Variants in ALOX15B observed in about 807,000 individuals in gnomAD.
The protein encoded by ALOX15B is arachidonate 15-lipoxygenase type B, also known as polyunsaturated fatty acid lipoxygenase ALOX15B.
In ALOX15B, 74 loss-of-function variants were observed where a neutral mutation model predicts 73.8. The observed-to-expected ratio is 1.00, with a 90% CI of 0.83 to 1.22. The LOEUF is 1.22. ALOX15B is among the 50% of genes most tolerant of loss of function. The pLI is 0.00. For synonymous variants in ALOX15B, 353 were observed against 357.2 expected (o/e 0.99, Z 0.13); for missense variants, 896 against 859.9 (o/e 1.04, Z -0.52).
chr17:8,039,085 A>T lies in ALOX15B; in HGVS notation c.-71A>T, dbSNP rs1321730081. On this transcript the variant is annotated 5_prime_UTR_variant, in exon 1 of 14. Coordinates refer to ENST00000380183, the MANE Select transcript of ALOX15B (RefSeq NM_001141.3). ...GTGGCAATAACCAGGGGCAATAACC[A>T]GGCGTGTCCCAGGGGGGAGCCCCGC... The T allele has an allele frequency of 1.6e-5, 25 of 1,549,500 alleles. No homozygotes were observed. In the Admixed American group the frequency reaches 5.0e-4, roughly 31 times the overall value.
At chr17:8,039,784 A>T in intron 2 of ALOX15B, 118 bp from the exon 3 acceptor site, 1 of 1,234,970 alleles carries the variant, frequency 8.1e-7, no homozygotes, top group South Asian at 1.4e-5. Context: ...GTGTAGGAGA[A>T]ACTGTACTTA....
At position 8,046,958 on chromosome 17, in the gene ALOX15B, A is replaced by G; in HGVS notation, c.1339A>G (p.Lys447Glu). The change falls in exon 10 of 14, where the codon AAG becomes GAG. Residue 447 changes from lysine (K) to glutamate (E), a missense_variant. Physicochemically the swap from Lys to Glu is moderately conservative, Grantham distance 56. Coordinates refer to ENST00000380183, the MANE Select transcript of ALOX15B (RefSeq NM_001141.3). ...GFSELIQRNMKQLNYSLLCLP... is the reference protein window; with the variant it reads ...GFSELIQRNMEQLNYSLLCLP... The stretch of plus-strand genomic sequence containing the variant: ...CTCTGAGTTGATACAGAGGAACATG[A>G]AGCAGCTGAACTATTCTCTCCTGTG... 1 of 1,614,128 alleles carries G rather than the reference A, an allele frequency of 6.2e-7. No individual in the cohort carries two copies. The highest frequency in any genetic ancestry group is 1.1e-5 in the South Asian group (1 of 91,082).
chr17:8,039,100 G>T lies in ALOX15B; in HGVS notation c.-56G>T. Reference sequence around the variant, plus strand: ...GGCAATAACCAGGCGTGTCCCAGGGGGGAGCCCCGCTCTGCAGCCCTGTGC... The same window carrying T: ...GGCAATAACCAGGCGTGTCCCAGGGTGGAGCCCCGCTCTGCAGCCCTGTGC... On this transcript the variant is annotated 5_prime_UTR_variant, in exon 1 of 14. Transcript: ENST00000380183. 1.3e-6 allele frequency: 2 copies of T among 1,576,954 alleles called. No homozygotes were observed. Among genetic ancestry groups the T allele is most frequent in the Non-Finnish European group, 1.7e-6 (2 of 1,164,080 alleles).
In ALOX15B at chr17:8,043,102, A is replaced by T. The variant is rs1198515182; in HGVS notation, c.676+218A>T. ...TACAACAGACATTTGTTGAGCTGCTACATATCAGACACCGGGTTAGGGGCT... is the reference window on the plus strand; with the variant it reads ...TACAACAGACATTTGTTGAGCTGCTTCATATCAGACACCGGGTTAGGGGCT... On this transcript the variant is annotated intron_variant, in intron 5 of 13. Coordinates refer to ENST00000380183, the MANE Select transcript of ALOX15B (RefSeq NM_001141.3). Among the ~76,000 whole-genome samples, 34 of 152,180 alleles carry T rather than the reference A, an allele frequency of 2.2e-4. 1 individual carries two copies. The highest frequency in any genetic ancestry group is 2.2e-3 in the Admixed American group (34 of 15,282).
In ALOX15B at chr17:8,045,519, C is replaced by T. The variant is rs748074863; in HGVS notation, c.1033C>T (p.Leu345=). The T allele has an allele frequency of 1.6e-5, 26 of 1,614,118 alleles. 1 individual carries two copies. Among genetic ancestry groups the T allele is most frequent in the Non-Finnish European group, 2.1e-5 (25 of 1,180,042 alleles). The change falls in exon 8 of 14, where the codon CTG becomes TTG. Residue 345 remains leucine (L), a synonymous_variant. Transcript: ENST00000380183. ...QTPGPNSPIF[L]PTDDKWDWLL... ...CCCCGGCCCAAACAGCCCCATCTTC[C>T]TGCCCACTGATGACAAGTGGGACTG...
In ALOX15B at chr17:8,047,214, C is replaced by T. The variant is rs376701941; in HGVS notation, c.1458-44C>T. 2.7e-5 allele frequency: 44 copies of T among 1,612,130 alleles called. No homozygotes were observed. The South Asian group carries it at 2.8e-4, about 10-fold the overall frequency. On this transcript the variant is annotated intron_variant, in intron 10 of 13. Transcript: ENST00000380183. ...TGCTAAGCAGAGGCATTCCTCAGAG[C>T]GGGTCGGGGTTGGAGGCTGGACCTG...
In ALOX15B at chr17:8,039,185, C is replaced by T. The variant is rs370310588; in HGVS notation, c.30C>T (p.Thr10=). 3.1e-5 allele frequency: 50 copies of T among 1,613,326 alleles called. 2 individuals carry two copies. Among genetic ancestry groups the T allele is most frequent in the East Asian group, 1.1e-4 (5 of 44,888 alleles). The change falls in exon 1 of 14, where the codon ACC becomes ACT. Residue 10 remains threonine (T), a synonymous_variant. Transcript: ENST00000380183. ...CCGAGTTCAGGGTCAGGGTGTCCACCGGAGAAGCCTTCGGGGCTGGCACAT... is the reference window on the plus strand; with the variant it reads ...CCGAGTTCAGGGTCAGGGTGTCCACTGGAGAAGCCTTCGGGGCTGGCACAT... MAEFRVRVS[T]GEAFGAGTWD...
chr17:8,047,360 C>T lies in ALOX15B; in HGVS notation c.1560C>T (p.Phe520=), dbSNP rs199850392. The change falls in exon 11 of 14, where the codon TTC becomes TTT. Residue 520 remains phenylalanine, a synonymous_variant. Coordinates refer to ENST00000380183, the MANE Select transcript of ALOX15B (RefSeq NM_001141.3). ...AWVREIFSKG[F]LNQESSGIPS... ...TCAGAGAGATCTTCTCCAAGGGCTT[C>T]CTAAACCAGGAGAGCTCAGGTACAG... The T allele has an allele frequency of 2.5e-6, 4 of 1,613,984 alleles. No homozygotes were observed. The highest frequency in any genetic ancestry group is 2.5e-6 in the Non-Finnish European group (3 of 1,179,960).
intron 13 of ALOX15B, 54 bp from the exon 14 acceptor site, chr17:8,048,332 C>T: frequency 1.3e-6 from 2 of 1,562,876 alleles, no homozygotes; most frequent in Middle Eastern, 3.5e-4. Context: ...GACCAGGAGT[C>T]TGGGATGCAG....
rs1976669852 is a variant in ALOX15B at position 8,048,395 on chromosome 17, G to A, written c.1861G>A (p.Gly621Ser). The change falls in exon 14 of 14, where the codon GGC (glycine) becomes AGC (serine). Residue 621 changes from glycine to serine, a missense_variant. By Grantham distance (56) the Gly-to-Ser change is moderately conservative. Coordinates refer to ENST00000380183, the MANE Select transcript of ALOX15B (RefSeq NM_001141.3). ...TGTGGTGGATCCTCAGAGGCCCCTGGGCACCTATCCGGATGAGCACTTCAC... is the reference window on the plus strand; with the variant it reads ...TGTGGTGGATCCTCAGAGGCCCCTGAGCACCTATCCGGATGAGCACTTCAC... ...SKEPGDQRPL[G>S]TYPDEHFTEE... 6.2e-7 allele frequency: 1 copy of A among 1,612,036 alleles called. No individual in the cohort carries two copies. Among genetic ancestry groups the A allele is most frequent in the South Asian group, 1.1e-5 (1 of 90,942 alleles).
intron 8 of ALOX15B, 107 bp from the exon 9 acceptor site, chr17:8,046,561 T>C: frequency 1.7e-6 from 2 of 1,167,318 alleles, no homozygotes; most frequent in East Asian, 2.6e-5. Context: ...CTCTCATTCT[T>C]GTTGCCTCTT....
chr17:8,039,118 C>T lies in ALOX15B; in HGVS notation c.-38C>T, dbSNP rs1486579702. The T allele has an allele frequency of 1.3e-6, 2 of 1,599,696 alleles. No homozygotes were observed. Among genetic ancestry groups the T allele is most frequent in the South Asian group, 1.1e-5 (1 of 88,992 alleles). On this transcript the variant is annotated 5_prime_UTR_variant, in exon 1 of 14. Coordinates refer to ENST00000380183, the MANE Select transcript of ALOX15B (RefSeq NM_001141.3). ...CCCAGGGGGGAGCCCCGCTCTGCAG[C>T]CCTGTGCGCCGTAGAGAGCTGGACT...
rs4792147 is a variant in ALOX15B, at chr17:8,048,501, A to T, written c.1967A>T (p.Gln656Leu). 1 of 1,613,912 alleles carries T rather than the reference A, an allele frequency of 6.2e-7. No individual in the cohort carries two copies. The highest frequency in any genetic ancestry group is 1.3e-5 in the African/African-American group (1 of 74,970). Residue 656 changes from glutamine to leucine, a missense_variant, in exon 14 of 14, where the codon CAG becomes CTG. Transcript: ENST00000380183. ...QISRGIQERN[Q>L]GLVLPYTYLD... ...TCGAGGGGCATCCAGGAGCGGAACC[A>T]GGGCCTGGTGCTGCCCTACACCTAC...
chr17:8,040,828 GGCTCTCTCTGT>G (rs1567969845), intron 3 of ALOX15B, among the ~76,000 whole-genome samples: 3 of 152,148 alleles, frequency 2.0e-5, no homozygotes. Flanking sequence ...GTGAGATGGG[GGCTCTCTCTGT>G]GCTCTGGGCT....
chr17:8,042,960 A>G (rs1200706272), intron 5 of ALOX15B, 76 bp downstream of exon 5: 45 of 1,233,198 alleles, frequency 3.6e-5, no homozygotes, highest in Non-Finnish European at 5.2e-5. Context: ...GTCTCAGAAA[A>G]CCAAGCACCA....
Position 8,048,875 on chromosome 17 carries a change from G to A in ALOX15B, c.*310G>A, listed in dbSNP as rs904701290. Reference sequence around the variant, plus strand: ...GTTTTGCTAGTTGGTTTTGTTTTGCGTTTTACAGCCGTGGGGGGAAGCACA... The same window carrying A: ...GTTTTGCTAGTTGGTTTTGTTTTGCATTTTACAGCCGTGGGGGGAAGCACA... On this transcript the variant is annotated 3_prime_UTR_variant, in exon 14 of 14. Coordinates refer to ENST00000380183, the MANE Select transcript of ALOX15B (RefSeq NM_001141.3). 9 of 245,166 alleles carry A rather than the reference G, an allele frequency of 3.7e-5. 1 individual carries two copies. Among genetic ancestry groups the A allele is most frequent in the Middle Eastern group, 1.3e-3 (1 of 784 alleles). 15.2% of individuals were successfully genotyped at this position (245,166 alleles called of 1,614,324 possible).
chr17:8,040,595 AAGAG>A (rs763288243), intron 3 of ALOX15B, among the ~76,000 whole-genome samples: 31 of 91,178 alleles, frequency 3.4e-4, no homozygotes, highest in South Asian at 2.0e-3. Context: ...GAGAGAAAGA[AAGAG>A]AGAGAAAGAA....
Position 8,039,621 on chromosome 17 carries a change from G to A in ALOX15B, c.367+16G>A. The A allele has an allele frequency of 8.5e-7, 1 of 1,181,600 alleles. No homozygotes were observed. The highest frequency in any genetic ancestry group is 1.3e-5 in the South Asian group (1 of 76,052). The allele number at this position is 1,181,600 out of a possible 1,614,324, so 73.2% of individuals were successfully genotyped here. ...GAGGGTACAGGTGAGGGGCGGGCCG[G>A]GCTGGGGCTGCAGGGGGAGCACAGG... On this transcript the variant is annotated intron_variant, in intron 2 of 13. Coordinates refer to ENST00000380183, the MANE Select transcript of ALOX15B (RefSeq NM_001141.3).
intron 13 of ALOX15B, 78 bp from the exon 14 acceptor site, chr17:8,048,308 G>C: frequency 6.6e-7 from 1 of 1,514,098 alleles, no homozygotes; most frequent in Non-Finnish European, 8.9e-7. Flanking sequence ...AGTTGCAGCT[G>C]CTCAGATAGT....
Sources: gnomAD v4.1 joint callset for allele counts (sites outside exome capture counted in the v4.1 genomes callset) on GRCh38, gnomAD v4.1.1 for gene constraint, MANE v1.5 for transcripts, NCBI Gene and HGNC (gene_info 2026-07-23, HGNC 2026-07-21) for gene names.